The following PPP1R14C variants were observed in gnomAD, a reference collection of about 807,000 sequenced individuals.
The protein encoded by PPP1R14C is protein phosphatase 1 regulatory subunit 14C.
A neutral mutation model predicts 20.4 loss-of-function variants in PPP1R14C; 16 were observed. That is an observed-to-expected ratio of 0.78 (90% CI 0.53 to 1.19). The LOEUF (loss-of-function observed/expected upper bound fraction) is 1.19, where lower values mean the gene tolerates loss of function less well. Ranked by LOEUF, PPP1R14C falls within the 50% of genes most tolerant of loss-of-function variation. PPP1R14C has a pLI of 0.00. For missense variants in PPP1R14C, 211 were observed against 220.1 expected, an observed-to-expected ratio of 0.96 and a Z score of 0.26; for synonymous variants, 91 against 91.0, an observed-to-expected ratio of 1.00 and a Z score of 0.00.
In PPP1R14C at chr6:150,208,580, CAT is replaced by C. The variant is rs928372472; in HGVS notation, c.307-6162_307-6161del. On this transcript the variant is annotated intron_variant, in intron 1 of 3. Coordinates refer to ENST00000361131, the MANE Select transcript of PPP1R14C (RefSeq NM_030949.3). ...AATCACATCCAAATTGCAAATTAAACATAAAGTACCAGCTAATGAAACTCAAA... is the reference window on the plus strand; with the variant it reads ...AATCACATCCAAATTGCAAATTAAACAAAGTACCAGCTAATGAAACTCAAA... Among the ~76,000 whole-genome samples, 100 of 152,264 alleles carry C rather than the reference CAT, an allele frequency of 6.6e-4. 1 individual carries two copies. The highest frequency in any genetic ancestry group is 2.3e-3 in the African/African-American group (96 of 41,556).
At chr6:150,200,659 C>T (rs1777865979) in intron 1 of PPP1R14C, among the ~76,000 whole-genome samples, 1 of 152,320 alleles carries the variant, frequency 6.6e-6, no homozygotes, top group East Asian at 1.9e-4. Flanking sequence ...AGATTAGAAG[C>T]AGCCATATCC....
chr6:150,203,707 G>C (rs1582916656), intron 1 of PPP1R14C, among the ~76,000 whole-genome samples: 1 of 152,250 alleles, frequency 6.6e-6, no homozygotes, highest in South Asian at 2.1e-4. Context: ...GAATTGGCTA[G>C]AACGGGCTTC....
intron 3 of PPP1R14C, among the ~76,000 whole-genome samples, chr6:150,247,371 TTACC>T (rs1483940288): frequency 6.6e-6 from 1 of 152,196 alleles, no homozygotes; most frequent in Admixed American, 6.5e-5. Flanking sequence ...CAGGTAGTTG[TTACC>T]TAATAAATAT....
chr6:150,198,430 G>A (rs1415595667), intron 1 of PPP1R14C, among the ~76,000 whole-genome samples: 1 of 152,264 alleles, frequency 6.6e-6, no homozygotes, highest in Non-Finnish European at 1.5e-5. Context: ...TCCTCTCCAG[G>A]GAGGGGAGAG....
Position 150,241,215 on chromosome 6 carries a change from G to A in PPP1R14C, c.424-7531G>A, listed in dbSNP as rs73779915. Reference sequence around the variant, plus strand: ...CCCACATAAAAATCCCTGAAGAACTGTGGGGTTCAGAGAGCTTCTGGGTTG... The same window carrying A: ...CCCACATAAAAATCCCTGAAGAACTATGGGGTTCAGAGAGCTTCTGGGTTG... On this transcript the variant is annotated intron_variant, in intron 3 of 3. Transcript: ENST00000361131. Among the ~76,000 whole-genome samples the A allele has an allele frequency of 9.2e-3, 1,406 of 152,316 alleles. 28 individuals are homozygous for A. The highest frequency in any genetic ancestry group is 0.033 in the African/African-American group (1,368 of 41,574).
At chr6:150,145,237 A>T (rs76498200) in intron 1 of PPP1R14C, among the ~76,000 whole-genome samples, 3 of 152,140 alleles carry the variant, frequency 2.0e-5, no homozygotes, top group Non-Finnish European at 4.4e-5. Context: ...TAGGTTAGGT[A>T]TATATTTTAA....
intron 1 of PPP1R14C, among the ~76,000 whole-genome samples, chr6:150,160,420 A>G (rs1343552832): frequency 2.2e-5 from 3 of 134,166 alleles, no homozygotes; most frequent in African/African-American, 5.6e-5. Flanking sequence ...GCCGACCACC[A>G]CACCCAGCTA....
intron 3 of PPP1R14C, among the ~76,000 whole-genome samples, chr6:150,243,793 G>A (rs1778460696): frequency 6.6e-6 from 1 of 152,164 alleles, no homozygotes; most frequent in South Asian, 2.1e-4. Flanking sequence ...ACAGGTGGAT[G>A]GATAAATTGT....
At position 150,160,269 on chromosome 6, in the gene PPP1R14C, T is replaced by A. The variant is rs892649103; in HGVS notation, c.306+16771T>A. Among the ~76,000 whole-genome samples the A allele has an allele frequency of 1.3e-3, 80 of 63,768 alleles. 1 individual carries two copies. Among genetic ancestry groups the A allele is most frequent in the African/African-American group, 3.5e-3 (72 of 20,546 alleles). The allele number at this position is 63,768 out of a possible 152,430, so 41.8% of individuals were successfully genotyped here. A position where few individuals can be genotyped will look rare whatever the true frequency, so the allele number is the denominator to read the frequency against. On this transcript the variant is annotated intron_variant, in intron 1 of 3. Coordinates refer to ENST00000361131, the MANE Select transcript of PPP1R14C (RefSeq NM_030949.3). ...GTGTAGCTCATTCTTTTTTTTTTTT[T>A]TTTTTTTTTTTTTGAGACGGAGTCT...
chr6:150,225,501 C>T (rs532161144), intron 3 of PPP1R14C, among the ~76,000 whole-genome samples: 39 of 152,276 alleles, frequency 2.6e-4, no homozygotes. Context: ...CCTGTGAGTC[C>T]CTCTACTTCG....
intron 1 of PPP1R14C, among the ~76,000 whole-genome samples, chr6:150,160,256 CTTTTTTTTTTT>C (rs535189665): frequency 8.9e-5 from 9 of 100,916 alleles, no homozygotes; most frequent in African/African-American, 3.3e-4. Flanking sequence ...GTAGCTCATT[CTTTTTTTTTTT>C]TTTTTTTTTT....
chr6:150,237,549 T>C (rs1047923409), intron 3 of PPP1R14C, among the ~76,000 whole-genome samples: 5 of 152,170 alleles, frequency 3.3e-5, no homozygotes, highest in African/African-American at 1.2e-4. Context: ...GAAAGTTCAG[T>C]GTAGTCTGAT....
chr6:150,216,679 A>G (rs1778098212), intron 2 of PPP1R14C, 145 bp from the exon 3 acceptor site: 3 of 620,452 alleles, frequency 4.8e-6, no homozygotes, highest in Non-Finnish European at 8.3e-6. Context: ...CTGGTGCTGA[A>G]ATGAAGTGCG....
At chr6:150,163,349 C>G (rs1777391664) in intron 1 of PPP1R14C, among the ~76,000 whole-genome samples, 1 of 152,232 alleles carries the variant, frequency 6.6e-6, no homozygotes, top group South Asian at 2.1e-4. Flanking sequence ...GGAGATCGCA[C>G]CACTGCACTC....
intron 1 of PPP1R14C, among the ~76,000 whole-genome samples, chr6:150,175,548 T>G (rs1777551702): frequency 6.6e-6 from 1 of 152,248 alleles, no homozygotes; most frequent in Admixed American, 6.5e-5. Context: ...AAAATATTAC[T>G]TCAACAATAA....
At chr6:150,218,474 AC>A (rs761314559) in intron 3 of PPP1R14C, among the ~76,000 whole-genome samples, 13,470 of 98,342 alleles carry the variant, frequency 0.14, 924 homozygotes, top group African/African-American at 0.23. Context: ...ATACATCTGA[AC>A]CCCCCCCCCC....
intron 3 of PPP1R14C, among the ~76,000 whole-genome samples, chr6:150,243,512 T>G (rs1453719182): frequency 6.6e-6 from 1 of 152,138 alleles, no homozygotes; most frequent in African/African-American, 2.4e-5. Context: ...GGACCTAGAA[T>G]AGCCAAAACA....
intron 1 of PPP1R14C, among the ~76,000 whole-genome samples, chr6:150,206,322 G>C (rs888474439): frequency 6.6e-6 from 1 of 152,102 alleles, no homozygotes; most frequent in African/African-American, 2.4e-5. Context: ...TCCCCCATTA[G>C]AGTTTAATCC....
chr6:150,184,355 T>C (rs893920907), intron 1 of PPP1R14C, among the ~76,000 whole-genome samples: 2 of 152,124 alleles, frequency 1.3e-5, no homozygotes, highest in African/African-American at 2.4e-5. Context: ...TCCTGGTAGA[T>C]AGTATCTGGC....
Sources: allele counts gnomAD v4.1 joint callset (sites outside exome capture counted in the v4.1 genomes callset), GRCh38; gene constraint gnomAD v4.1.1; transcripts MANE v1.5; gene names NCBI Gene and HGNC (gene_info 2026-07-23, HGNC 2026-07-21).